WDR47: variants seen among roughly 807,000 people sequenced by gnomAD.
WDR47 encodes the protein WD repeat domain 47, also known as WD repeat-containing protein 47.
In WDR47, 32 loss-of-function variants were observed where a neutral mutation model predicts 97.2. The ratio of observed to expected loss-of-function variants is 0.33; its 90% CI spans 0.25 to 0.44. The LOEUF is 0.44. Among genes scored for constraint, WDR47 ranks in the 20% least tolerant of loss-of-function variants. The pLI, the probability that WDR47 is intolerant of heterozygous loss-of-function variation, is 1.00. For synonymous variants in WDR47, 375 were observed against 373.5 expected (o/e 1.00, Z -0.05); for missense variants, 782 against 1,102.3 (o/e 0.71, Z 4.11).
chr1:109,018,830 A>G (rs1003342846), intron 2 of WDR47, among the ~76,000 whole-genome samples: 1 of 151,882 alleles, frequency 6.6e-6, no homozygotes. Flanking sequence ...ACACACACAA[A>G]AAAGAAAGAA....
chr1:108,991,272 T>G lies in WDR47; in HGVS notation c.1749A>C (p.Ser583=). 2 of 1,613,284 alleles carry G rather than the reference T, an allele frequency of 1.2e-6. No homozygotes were observed. The highest frequency in any genetic ancestry group is 1.1e-5 in the South Asian group (1 of 90,990). ...PPLGDSPGSL[S]RSKGEEDDKS... Reference sequence around the variant, plus strand: ...GTATTACCTCTTCCCCTTTCGACCTTGAAAGACTCCCTGGAGAATCTCCAA... The same window carrying G: ...GTATTACCTCTTCCCCTTTCGACCTGGAAAGACTCCCTGGAGAATCTCCAA... Residue 583 remains serine (S), a synonymous_variant, in exon 9 of 15, where the codon TCA becomes TCC. Coordinates refer to ENST00000369962, the MANE Select transcript of WDR47 (RefSeq NM_001142551.2).
chr1:109,005,238 AAAAATAAAAT>A (rs970988099), intron 5 of WDR47, among the ~76,000 whole-genome samples: 1 of 151,990 alleles, frequency 6.6e-6, no homozygotes, highest in African/African-American at 2.4e-5. Flanking sequence ...CTAGTTTCTA[AAAAATAAAAT>A]AAAATAAAAT....
chr1:108,997,770 A>AG (rs891251307), intron 7 of WDR47, among the ~76,000 whole-genome samples: 1 of 150,880 alleles, frequency 6.6e-6, no homozygotes, highest in African/African-American at 2.4e-5. Context: ...AAAAAAAAAA[A>AG]AAAAAAGAAA....
intron 7 of WDR47, among the ~76,000 whole-genome samples, chr1:108,998,926 G>C (rs1659955586): frequency 6.6e-6 from 1 of 152,006 alleles, no homozygotes; most frequent in South Asian, 2.1e-4. Flanking sequence ...CTAGAGTCTA[G>C]AAAAAATAAT....
intron 3 of WDR47, among the ~76,000 whole-genome samples, chr1:109,015,610 G>A (rs577688121): frequency 2.0e-5 from 3 of 151,818 alleles, no homozygotes; most frequent in Non-Finnish European, 4.4e-5. Flanking sequence ...TTACAGGCGT[G>A]AGCCACCACG....
chr1:108,993,036 T>G (rs1338179458), intron 8 of WDR47, among the ~76,000 whole-genome samples: 1 of 152,134 alleles, frequency 6.6e-6, no homozygotes, highest in East Asian at 1.9e-4. Flanking sequence ...TCATGAAGTT[T>G]CAGACTATCA....
At chr1:108,996,133 C>T (rs1171914475) in intron 7 of WDR47, among the ~76,000 whole-genome samples, 2 of 152,138 alleles carry the variant, frequency 1.3e-5, no homozygotes, top group African/African-American at 2.4e-5. Context: ...GTGGCATGAT[C>T]GTGGCTCACT....
At chr1:109,034,711 A>C (rs1557967507) in intron 1 of WDR47, among the ~76,000 whole-genome samples, 1 of 152,082 alleles carries the variant, frequency 6.6e-6, no homozygotes, top group Non-Finnish European at 1.5e-5. Flanking sequence ...AATGGTTTCC[A>C]CCTCACCCCT....
intron 9 of WDR47, among the ~76,000 whole-genome samples, chr1:108,990,228 A>G (rs1402391962): frequency 6.6e-6 from 1 of 151,788 alleles, no homozygotes; most frequent in African/African-American, 2.4e-5. Flanking sequence ...TATTTTTTGG[A>G]GACAGAGTCT....
chr1:109,017,680 A>T, intron 2 of WDR47, 79 bp from the exon 3 acceptor site: 1 of 1,067,592 alleles, frequency 9.4e-7, no homozygotes, highest in South Asian at 1.4e-5. Context: ...ATGACAAAAC[A>T]GCATTCAAAC....
chr1:108,994,139 T>A (rs540963230), intron 8 of WDR47, among the ~76,000 whole-genome samples: 1 of 152,306 alleles, frequency 6.6e-6, no homozygotes, highest in African/African-American at 2.4e-5. Flanking sequence ...GGCTCATGCC[T>A]GTAACTCCAG....
chr1:108,994,415 C>T (rs901842876), intron 8 of WDR47, among the ~76,000 whole-genome samples: 2 of 151,938 alleles, frequency 1.3e-5, no homozygotes, highest in African/African-American at 2.4e-5. Flanking sequence ...CAAAACAAAA[C>T]AGTAATAGAA....
At chr1:108,988,813 G>A (rs369865481) in intron 9 of WDR47, among the ~76,000 whole-genome samples, 8 of 151,350 alleles carry the variant, frequency 5.3e-5, no homozygotes, top group African/African-American at 9.7e-5. Context: ...GCTGGAGTGC[G>A]GTGGCGCAAT....
At chr1:108,993,237 A>G (rs1448324701) in intron 8 of WDR47, among the ~76,000 whole-genome samples, 1 of 152,030 alleles carries the variant, frequency 6.6e-6, no homozygotes, top group African/African-American at 2.4e-5. Flanking sequence ...AGGCACAAGA[A>G]TCACTTGAAC....
chr1:109,017,455 G>A, intron 3 of WDR47, 63 bp downstream of exon 3: 1 of 1,378,074 alleles, frequency 7.3e-7, no homozygotes, highest in Non-Finnish European at 1.0e-6. Context: ...GAAAATTTTT[G>A]TTCATTGTTT....
At position 108,974,689 on chromosome 1, in the gene WDR47, A is replaced by C; in HGVS notation, c.2464T>G (p.Ser822Ala). The change falls in exon 14 of 15, where the codon TCT (serine) becomes GCT (alanine). Residue 822 changes from serine to alanine, a missense_variant. By Grantham distance (99) the Ser-to-Ala change is moderately conservative. This residue lies in a region of WDR47 where 228 missense variants were observed against 396.7 expected (regional missense o/e 0.57). Transcript: ENST00000369962. Reference protein sequence around the residue: ...GRLLATGQEDSSCMLYDIRGG... With the variant: ...GRLLATGQEDASCMLYDIRGG... Reference sequence around the variant, plus strand: ...CTTATGTCATACAACATGCAGCTAGAATCTTCTTGACCTGTGGCTAAGAGA... The same window carrying C: ...CTTATGTCATACAACATGCAGCTAGCATCTTCTTGACCTGTGGCTAAGAGA... The C allele has an allele frequency of 6.2e-7, 1 of 1,614,076 alleles. No homozygotes were observed. Among genetic ancestry groups the C allele is most frequent in the Non-Finnish European group, 8.5e-7 (1 of 1,179,998 alleles).
intron 9 of WDR47, among the ~76,000 whole-genome samples, chr1:108,990,416 C>T (rs1366247220): frequency 6.6e-6 from 1 of 151,914 alleles, no homozygotes; most frequent in African/African-American, 2.4e-5. Flanking sequence ...GCCATGTTGG[C>T]CAGGTTGGTC....
intron 2 of WDR47, among the ~76,000 whole-genome samples, chr1:109,018,805 C>A (rs1037976069): frequency 6.6e-6 from 1 of 151,402 alleles, no homozygotes; most frequent in Non-Finnish European, 1.5e-5. Flanking sequence ...CAGAGTGAGA[C>A]CCTGTCTCAA....
Position 109,004,696 on chromosome 1 carries a change from G to A in WDR47, c.1150C>T (p.Gln384Ter). 1 of 1,609,784 alleles carries A rather than the reference G, an allele frequency of 6.2e-7. No individual in the cohort carries two copies. Among genetic ancestry groups the A allele is most frequent in the Non-Finnish European group, 8.5e-7 (1 of 1,178,066 alleles). Residue 384 changes from glutamine (Q) to a stop codon, truncating the protein, a stop_gained, in exon 6 of 15, where the codon CAG becomes TAG. Coordinates refer to ENST00000369962, the MANE Select transcript of WDR47 (RefSeq NM_001142551.2). LOFTEE classifies it high-confidence loss of function. ...SPERDTPVDA[Q>*]RPIGSEILGQ... The stretch of plus-strand genomic sequence containing the variant: ...AAGATTTCACTGCCGATAGGCCTCT[G>A]TGCATCAACAGGTGTATCACTTCTT...
Sources: gnomAD v4.1 joint callset for allele counts (sites outside exome capture counted in the v4.1 genomes callset) on GRCh38, gnomAD v4.1.1 for gene constraint, gnomAD v4.1.1 regional missense constraint, MANE v1.5 for transcripts, NCBI Gene and HGNC (gene_info 2026-07-23, HGNC 2026-07-21) for gene names.